FOSL2: variants seen among roughly 807,000 people sequenced by gnomAD.
The protein encoded by FOSL2 is fos-related antigen 2.
In FOSL2, 3 loss-of-function variants were observed where a neutral mutation model predicts 27.7. That is an observed-to-expected ratio of 0.11 (90% confidence interval 0.05 to 0.28). The LOEUF (loss-of-function observed/expected upper bound fraction) is 0.28, where lower values mean the gene tolerates loss of function less well. Among genes scored for constraint, FOSL2 ranks in the 10% least tolerant of loss-of-function variants. The pLI is 1.00. For missense variants in FOSL2, 333 were observed against 445.1 expected (o/e 0.75, Z 2.27); for synonymous variants, 179 against 190.1 (o/e 0.94, Z 0.48).
chr2:28,407,752 C>T (rs1448970972), intron 2 of FOSL2, among the ~76,000 whole-genome samples: 1 of 152,222 alleles, frequency 6.6e-6, no homozygotes, highest in Non-Finnish European at 1.5e-5. Context: ...GTGTTGCTTT[C>T]TGCTTTGGCC....
intron 3 of FOSL2, among the ~76,000 whole-genome samples, chr2:28,410,766 G>T (rs1044772712): frequency 2.0e-5 from 3 of 152,182 alleles, no homozygotes; most frequent in African/African-American, 7.2e-5. Flanking sequence ...AGGCCCTCTC[G>T]GGCTGTCACG....
intron 2 of FOSL2, among the ~76,000 whole-genome samples, chr2:28,406,904 C>T (rs146621708): frequency 2.0e-5 from 3 of 152,146 alleles, no homozygotes; most frequent in Admixed American, 2.0e-4. Flanking sequence ...TGCCCTGTGG[C>T]GGCGACTCTG....
At chr2:28,394,728 C>CGG (rs542241331) in intron 1 of FOSL2, 2 of 152,192 alleles carry the variant, frequency 1.3e-5, no homozygotes, top group African/African-American at 4.8e-5. Flanking sequence ...GTGCTGTTGG[C>CGG]GGGGGGGTGC....
Position 28,404,145 on chromosome 2 carries a change from C to T in FOSL2, c.141C>T (p.Phe47=). The change falls in exon 2 of 4, where the codon TTC becomes TTT. Residue 47 remains phenylalanine (F), a synonymous_variant. Coordinates refer to ENST00000264716, the MANE Select transcript of FOSL2 (RefSeq NM_005253.4). This position sits in a 1 kb window ranked among gnomAD's most constrained non-coding sequence, Gnocchi z 4.7. ...ATATGCCTGGCTCAGGCAGTGCATT[C>T]ATCCCCACCATCAACGCCATCACGA... ...RVDMPGSGSA[F]IPTINAITTS... 1 of 1,614,194 alleles carries T rather than the reference C, an allele frequency of 6.2e-7. No homozygotes were observed.
At chr2:28,398,379 T>C (rs1443100157) in intron 1 of FOSL2, among the ~76,000 whole-genome samples, 4 of 152,248 alleles carry the variant, frequency 2.6e-5, no homozygotes, top group African/African-American at 9.6e-5. Flanking sequence ...CCCGTGGCAG[T>C]GAGACTTTCC....
chr2:28,398,141 G>T (rs776954120), intron 1 of FOSL2, among the ~76,000 whole-genome samples: 39 of 152,206 alleles, frequency 2.6e-4, no homozygotes, highest in Admixed American at 1.1e-3. Flanking sequence ...CGGTCTATTT[G>T]TTGAAACAAA....
At chr2:28,403,979 T>C in intron 1 of FOSL2, 128 bp from the exon 2 acceptor site, 1 of 1,092,726 alleles carries the variant, frequency 9.2e-7, no homozygotes, top group Non-Finnish European at 1.3e-6. Context: ...CCTGGGGTCC[T>C]GACCTTGCCC....
chr2:28,412,277 A>G lies in FOSL2; in HGVS notation c.810A>G (p.Thr270=). The part of the protein sequence containing the change: ...PLHTPIVVTS[T]PAVTPGTSNL... The stretch of plus-strand genomic sequence containing the variant: ...ACACCCCCATCGTGGTGACCTCCAC[A>G]CCTGCTGTCACTCCGGGCACCTCGA... Residue 270 remains threonine (T), a synonymous_variant, in exon 4 of 4, where the codon ACA becomes ACG. Coordinates refer to ENST00000264716, the MANE Select transcript of FOSL2 (RefSeq NM_005253.4). The surrounding 1 kb of genome is among the most constrained non-coding windows in gnomAD (Gnocchi z 7.1). 3 of 1,613,902 alleles carry G rather than the reference A, an allele frequency of 1.9e-6. No individual in the cohort carries two copies. Among genetic ancestry groups the G allele is most frequent in the Non-Finnish European group, 1.7e-6 (2 of 1,179,942 alleles).
chr2:28,412,199 T>G lies in FOSL2; in HGVS notation c.732T>G (p.Ser244=). The part of the protein sequence containing the change: ...SSAGLDKAQR[S]VIKPISIAGG... ...CGGGGCTGGACAAGGCCCAGCGCTC[T>G]GTCATCAAGCCCATCAGCATTGCTG... The change falls in exon 4 of 4, where the codon TCT becomes TCG. Residue 244 remains serine (S), a synonymous_variant. Coordinates refer to ENST00000264716, the MANE Select transcript of FOSL2 (RefSeq NM_005253.4). The surrounding 1 kb of genome is among the most constrained non-coding windows in gnomAD (Gnocchi z 7.1). The G allele has an allele frequency of 6.2e-7, 1 of 1,612,536 alleles. No homozygotes were observed. The highest frequency in any genetic ancestry group is 8.5e-7 in the Non-Finnish European group (1 of 1,179,388).
Position 28,404,045 on chromosome 2 carries a change from A to G in FOSL2, c.103-62A>G. 6.3e-7 allele frequency: 1 copy of G among 1,586,130 alleles called. No homozygotes were observed. The highest frequency in any genetic ancestry group is 8.6e-7 in the Non-Finnish European group (1 of 1,161,040). On this transcript the variant is annotated intron_variant, in intron 1 of 3. Transcript: ENST00000264716. The surrounding 1 kb of genome is among the most constrained non-coding windows in gnomAD (Gnocchi z 4.7). ...TTTGCCTCAGCTCTGTTCAATTATT[A>G]TTAACTATCCTGTTCAGCTTAGTAT...
At position 28,415,699 on chromosome 2, in the gene FOSL2, G is replaced by C. The variant is rs756580326; in HGVS notation, c.*3251G>C. ...TTAGGAAGGAAAAGAATACACCTAC[G>C]ATGTGCCAGGCACTGTGTTAGGCGC... On this transcript the variant is annotated 3_prime_UTR_variant, in exon 4 of 4. Coordinates refer to ENST00000264716, the MANE Select transcript of FOSL2 (RefSeq NM_005253.4). 1 of 152,136 alleles carries C rather than the reference G, an allele frequency of 6.6e-6. No homozygotes were observed. Among genetic ancestry groups the C allele is most frequent in the Admixed American group, 6.5e-5 (1 of 15,284 alleles). 9.4% of individuals were successfully genotyped at this position (152,136 alleles called of 1,614,324 possible).
At chr2:28,411,801 C>A in intron 3 of FOSL2, 129 bp from the exon 4 acceptor site, 2 of 902,742 alleles carry the variant, frequency 2.2e-6, no homozygotes, top group Non-Finnish European at 3.5e-6. Context: ...CTCAGACCAG[C>A]GGGGTCTGTG....
At chr2:28,405,490 C>G (rs575487595) in intron 2 of FOSL2, among the ~76,000 whole-genome samples, 1 of 152,344 alleles carries the variant, frequency 6.6e-6, no homozygotes, top group African/African-American at 2.4e-5. Flanking sequence ...CAACCACTGT[C>G]CATCTTCACT....
intron 3 of FOSL2, among the ~76,000 whole-genome samples, chr2:28,409,873 G>A (rs540733893): frequency 9.2e-5 from 14 of 152,052 alleles, no homozygotes; most frequent in African/African-American, 1.4e-4. Context: ...CCCAACTAGC[G>A]GGGATTACAG....
chr2:28,400,717 C>G (rs988462490), intron 1 of FOSL2, among the ~76,000 whole-genome samples: 6 of 152,152 alleles, frequency 3.9e-5, no homozygotes, highest in Admixed American at 3.3e-4. Context: ...CTTGTTTTGT[C>G]TAGACCAAGC....
intron 1 of FOSL2, chr2:28,396,805 C>CACACACACACAA (rs1394983246): frequency 1.4e-4 from 21 of 149,122 alleles, no homozygotes; most frequent in African/African-American, 5.0e-4. Context: ...CACACACACA[C>CACACACACACAA]ACACACACAC....
chr2:28,405,422 A>G (rs1411673254), intron 2 of FOSL2, among the ~76,000 whole-genome samples: 1 of 152,120 alleles, frequency 6.6e-6, no homozygotes, highest in Non-Finnish European at 1.5e-5. Context: ...CCCTTTTTCA[A>G]ATGAATTGTT....
chr2:28,411,894 G>C, intron 3 of FOSL2, 36 bp from the exon 4 acceptor site: 1 of 1,613,478 alleles, frequency 6.2e-7, no homozygotes, highest in Non-Finnish European at 8.5e-7. Flanking sequence ...TCCCTGGCAG[G>C]TTGCTGTCCC....
intron 1 of FOSL2, among the ~76,000 whole-genome samples, chr2:28,403,619 G>T (rs923032960): frequency 5.3e-5 from 8 of 152,194 alleles, no homozygotes; most frequent in East Asian, 1.9e-4. Context: ...GACACAGTAT[G>T]CTCCCTTGGT....
Sources: allele counts gnomAD v4.1 joint callset (sites outside exome capture counted in the v4.1 genomes callset), GRCh38; gene constraint gnomAD v4.1.1; non-coding constraint Gnocchi (gnomAD v3.1); transcripts MANE v1.5; gene names NCBI Gene and HGNC (gene_info 2026-07-23, HGNC 2026-07-21).